The following ASAP1 variants were observed in gnomAD, a reference collection of about 807,000 sequenced individuals.
ASAP1 encodes the protein ArfGAP with SH3 domain, ankyrin repeat and PH domain 1.
ASAP1 carries 43 observed loss-of-function variants against 145.2 expected under a neutral mutation model. The ratio of observed to expected loss-of-function variants is 0.30; its 90% CI spans 0.23 to 0.38. The LOEUF (loss-of-function observed/expected upper bound fraction) is 0.38. Among genes scored for constraint, ASAP1 ranks in the 10% least tolerant of loss-of-function variants. ASAP1 has a pLI of 1.00. For synonymous variants in ASAP1, 546 were observed against 515.5 expected (o/e 1.06, Z -0.80); for missense variants, 1,018 against 1,355.3 (o/e 0.75, Z 3.91).
chr8:130,379,022 T>C (rs935019415), intron 2 of ASAP1, among the ~76,000 whole-genome samples: 1 of 152,116 alleles, frequency 6.6e-6, no homozygotes, highest in Non-Finnish European at 1.5e-5. Context: ...GTGTCTTCTG[T>C]ACGCTAATGA....
At chr8:130,357,950 G>A (rs568976955) in intron 3 of ASAP1, 67 bp downstream of exon 3, 2 of 1,530,876 alleles carry the variant, frequency 1.3e-6, no homozygotes, top group African/African-American at 2.7e-5. Flanking sequence ...CCAGCTCGGA[G>A]AGGAGATCCT....
At chr8:130,077,537 C>CTTTTTTTT (rs58327713) in intron 26 of ASAP1, among the ~76,000 whole-genome samples, 1 of 62,030 alleles carries the variant, frequency 1.6e-5, no homozygotes, top group Non-Finnish European at 2.8e-5. Context: ...GCTGCTGCTG[C>CTTTTTTTT]TTTTTTTTTT....
At chr8:130,380,814 G>C (rs1240916487) in intron 2 of ASAP1, among the ~76,000 whole-genome samples, 1 of 152,070 alleles carries the variant, frequency 6.6e-6, no homozygotes, top group African/African-American at 2.4e-5. Context: ...AACCTCCTGG[G>C]CTCAAGTGAT....
intron 2 of ASAP1, among the ~76,000 whole-genome samples, chr8:130,379,994 C>A (rs541254460): frequency 2.4e-4 from 36 of 152,314 alleles, no homozygotes; most frequent in African/African-American, 8.7e-4. Context: ...CCTCACCCTA[C>A]TCCCCACCCC....
At position 130,358,587 on chromosome 8, in the gene ASAP1, T is replaced by C. The variant is rs1826502945; in HGVS notation, c.60-444A>G. On this transcript the variant is annotated intron_variant, in intron 2 of 29. Coordinates refer to ENST00000518721, the MANE Select transcript of ASAP1 (RefSeq NM_018482.4). The surrounding 1 kb of genome is among the most constrained non-coding windows in gnomAD (Gnocchi z 4.1). ...GCGCTGACAGGCGGCGGCGCGGGCC[T>C]GACTGACTGAGCGCACACTCCCGCG... 6.9e-6 allele frequency among the ~76,000 whole-genome samples: 1 copy of C among 145,830 alleles called. No individual in the cohort carries two copies. Among genetic ancestry groups the C allele is most frequent in the South Asian group, 2.1e-4 (1 of 4,720 alleles).
At chr8:130,385,431 T>A (rs1827967285) in intron 2 of ASAP1, among the ~76,000 whole-genome samples, 1 of 152,264 alleles carries the variant, frequency 6.6e-6, no homozygotes, top group Non-Finnish European at 1.5e-5. Context: ...GCGGGCCTTG[T>A]GAGGCCCAAA....
intron 11 of ASAP1, 185 bp downstream of exon 11, chr8:130,167,351 C>A: frequency 1.4e-6 from 1 of 736,010 alleles, no homozygotes; most frequent in African/African-American, 1.7e-5. Context: ...ATTGGATACC[C>A]AGAACATCTT....
intron 3 of ASAP1, among the ~76,000 whole-genome samples, chr8:130,242,275 A>AC (rs887887597): frequency 1.3e-5 from 2 of 149,180 alleles, no homozygotes; most frequent in African/African-American, 5.0e-5. Flanking sequence ...AAAAAAAAAA[A>AC]AAAAAAAACA....
intron 25 of ASAP1, among the ~76,000 whole-genome samples, chr8:130,085,523 C>T (rs2097490672): frequency 6.6e-6 from 1 of 151,976 alleles, no homozygotes; most frequent in African/African-American, 2.4e-5. Flanking sequence ...TCACCTGAGC[C>T]CAGGAGTTCG....
chr8:130,106,604 T>C (rs550049971), intron 24 of ASAP1, among the ~76,000 whole-genome samples: 9 of 152,342 alleles, frequency 5.9e-5, no homozygotes, highest in African/African-American at 2.2e-4. Context: ...GTCCCCTCCT[T>C]ATCCTGGCCA....
intron 3 of ASAP1, among the ~76,000 whole-genome samples, chr8:130,297,583 G>C (rs1009112180): frequency 1.3e-5 from 2 of 152,194 alleles, no homozygotes; most frequent in Non-Finnish European, 2.9e-5. Flanking sequence ...ATCTACAGAA[G>C]TGCAGGACGA....
At chr8:130,327,976 GTTT>G (rs898902036) in intron 3 of ASAP1, among the ~76,000 whole-genome samples, 6 of 152,024 alleles carry the variant, frequency 3.9e-5, no homozygotes, top group African/African-American at 9.7e-5. Context: ...GGAAATGGCA[GTTT>G]TTAAGACAGG....
intron 25 of ASAP1, among the ~76,000 whole-genome samples, chr8:130,082,118 G>A (rs1259543790): frequency 6.6e-6 from 1 of 152,136 alleles, no homozygotes; most frequent in Non-Finnish European, 1.5e-5. Flanking sequence ...GGAGAGGCTG[G>A]CAGGGTGCTC....
chr8:130,400,583 C>G (rs934033403), intron 2 of ASAP1, among the ~76,000 whole-genome samples: 3 of 151,538 alleles, frequency 2.0e-5, no homozygotes, highest in South Asian at 2.1e-4. Context: ...GTCAGGAGAT[C>G]AAGACCATCC....
chr8:130,428,623 AC>A (rs1830028284), intron 1 of ASAP1, among the ~76,000 whole-genome samples: 1 of 143,336 alleles, frequency 7.0e-6, no homozygotes, highest in Admixed American at 6.9e-5. Flanking sequence ...CATCACCACC[AC>A]CACCACCACT....
intron 1 of ASAP1, among the ~76,000 whole-genome samples, chr8:130,434,445 G>A (rs182954008): frequency 3.8e-4 from 58 of 152,268 alleles, no homozygotes; most frequent in African/African-American, 7.7e-4. Context: ...TAGAAATAGC[G>A]CCTATTTCAT....
chr8:130,204,109 G>A (rs1483368965), intron 5 of ASAP1, among the ~76,000 whole-genome samples: 1 of 152,156 alleles, frequency 6.6e-6, no homozygotes, highest in Non-Finnish European at 1.5e-5. Flanking sequence ...GTGAGTTGCG[G>A]GCTATTGAGC....
chr8:130,265,421 A>C (rs527902342), intron 3 of ASAP1, among the ~76,000 whole-genome samples: 4 of 151,900 alleles, frequency 2.6e-5, no homozygotes, highest in South Asian at 2.1e-4. Context: ...AATTTTTAAA[A>C]AAGTAACAGG....
At chr8:130,246,482 T>A (rs990197623) in intron 3 of ASAP1, among the ~76,000 whole-genome samples, 2 of 152,082 alleles carry the variant, frequency 1.3e-5, no homozygotes, top group Admixed American at 1.3e-4. Context: ...TCTGTTATCA[T>A]AATAGTGAGT....
Sources: allele counts gnomAD v4.1 joint callset (sites outside exome capture counted in the v4.1 genomes callset), GRCh38; gene constraint gnomAD v4.1.1; non-coding constraint Gnocchi (gnomAD v3.1); transcripts MANE v1.5; gene names NCBI Gene and HGNC (gene_info 2026-07-23, HGNC 2026-07-21).